The following ALKBH3 variants were observed in gnomAD, a reference collection of about 807,000 sequenced individuals.
The protein encoded by ALKBH3 is alkB homolog 3, alpha-ketoglutarate dependent dioxygenase.
In ALKBH3, 51 loss-of-function variants were observed where a neutral mutation model predicts 43.9. The ratio of observed to expected loss-of-function variants is 1.16; its 90% CI spans 0.93 to 1.47. The LOEUF (loss-of-function observed/expected upper bound fraction) is 1.47, where lower values mean the gene tolerates loss of function less well. Ranked by LOEUF, ALKBH3 falls within the 40% of genes most tolerant of loss-of-function variation. ALKBH3 has a pLI of 0.00. For missense variants in ALKBH3, 361 were observed against 351.9 expected, an observed-to-expected ratio of 1.03 and a Z score of -0.21; for synonymous variants, 102 against 115.2, an observed-to-expected ratio of 0.89 and a Z score of 0.73.
intron 7 of ALKBH3, among the ~76,000 whole-genome samples, chr11:43,895,206 T>A (rs1951810181): frequency 6.6e-6 from 1 of 152,178 alleles, no homozygotes; most frequent in Non-Finnish European, 1.5e-5. Flanking sequence ...GCGAAACATA[T>A]AACATGATAT....
intron 7 of ALKBH3, among the ~76,000 whole-genome samples, chr11:43,896,362 G>T (rs916039851): frequency 6.6e-5 from 10 of 151,814 alleles, no homozygotes; most frequent in Non-Finnish European, 1.2e-4. Context: ...CCCACAATAG[G>T]CTGTCTGCAA....
intron 8 of ALKBH3, among the ~76,000 whole-genome samples, chr11:43,916,410 A>G (rs1951983651): frequency 1.3e-5 from 2 of 152,204 alleles, no homozygotes; most frequent in Admixed American, 6.5e-5. Flanking sequence ...CGCTTTTTCC[A>G]TGTACTCGTA....
intron 8 of ALKBH3, among the ~76,000 whole-genome samples, chr11:43,907,444 G>A (rs186636577): frequency 1.6e-3 from 248 of 152,204 alleles, no homozygotes; most frequent in African/African-American, 5.9e-3. Flanking sequence ...AGTTTCAGTA[G>A]GACAAACTTG....
chr11:43,887,872 T>A (rs535088178), intron 5 of ALKBH3, among the ~76,000 whole-genome samples: 11 of 152,054 alleles, frequency 7.2e-5, no homozygotes, highest in Non-Finnish European at 1.3e-4. Flanking sequence ...CACTGCAAGC[T>A]CCGCCTCCAG....
intron 7 of ALKBH3, chr11:43,899,153 G>A (rs963354458): frequency 6.4e-6 from 5 of 783,374 alleles, no homozygotes; most frequent in African/African-American, 1.7e-5. Flanking sequence ...CACCCAAAAA[G>A]GACTCCCTAG....
intron 5 of ALKBH3, among the ~76,000 whole-genome samples, chr11:43,887,944 A>G (rs1034152172): frequency 6.7e-6 from 1 of 149,240 alleles, no homozygotes; most frequent in African/African-American, 2.5e-5. Flanking sequence ...ACGTGCCACC[A>G]TGCCCAGCTA....
intron 8 of ALKBH3, among the ~76,000 whole-genome samples, chr11:43,906,193 T>C (rs1373500350): frequency 1.3e-5 from 2 of 152,178 alleles, no homozygotes; most frequent in East Asian, 3.9e-4. Context: ...GAGATGATTG[T>C]AAAACCAAGT....
chr11:43,908,603 A>G (rs1951913411), intron 8 of ALKBH3, among the ~76,000 whole-genome samples: 1 of 152,034 alleles, frequency 6.6e-6, no homozygotes, highest in Non-Finnish European at 1.5e-5. Flanking sequence ...TGTTCATCAC[A>G]TGATCTCTTC....
chr11:43,901,729 A>G lies in ALKBH3; in HGVS notation c.669+4A>G. On this transcript the variant is annotated splice_donor_region_variant and intron_variant, in intron 8 of 9. Coordinates refer to ENST00000302708, the MANE Select transcript of ALKBH3 (RefSeq NM_139178.4). ...GATGAGAAAGAAGCCACCACCAGTG[A>G]GTATTCTCTTTTTCTTATGCTCTTC... 1 of 1,613,988 alleles carries G rather than the reference A, an allele frequency of 6.2e-7. No individual in the cohort carries two copies. Among genetic ancestry groups the G allele is most frequent in the Middle Eastern group, 1.7e-4 (1 of 6,058 alleles).
intron 7 of ALKBH3, among the ~76,000 whole-genome samples, chr11:43,900,516 C>T (rs1042161382): frequency 6.6e-6 from 1 of 152,122 alleles, no homozygotes; most frequent in African/African-American, 2.4e-5. Context: ...GCCATGTTGC[C>T]TGGCCTGTCC....
At position 43,916,825 on chromosome 11, in the gene ALKBH3, A is replaced by G. The variant is rs567235964; in HGVS notation, c.670-2213A>G. The stretch of plus-strand genomic sequence containing the variant: ...CTTGCTTCAGTTGAAGGGTGGCTCT[A>G]TGGTCTGTTGCCACTCTGGCCTCGA... On this transcript the variant is annotated intron_variant, in intron 8 of 9. Transcript: ENST00000302708. The G allele has an allele frequency of 1.3e-5, 2 of 152,178 alleles. 1 individual carries two copies. Among genetic ancestry groups the G allele is most frequent in the African/African-American group, 4.8e-5 (2 of 41,422 alleles). 9.4% of individuals were successfully genotyped at this position (152,178 alleles called of 1,614,324 possible). A position where few individuals can be genotyped will look rare whatever the true frequency, so the allele number is the denominator to read the frequency against.
intron 7 of ALKBH3, chr11:43,899,166 GC>G: frequency 3.8e-6 from 3 of 788,248 alleles, no homozygotes; most frequent in Non-Finnish European, 4.6e-6. Flanking sequence ...CTCCCTAGGG[GC>G]CCCACCTCTC....
chr11:43,883,083 A>T lies in ALKBH3; in HGVS notation c.80-2A>T. On this transcript the variant is annotated splice_acceptor_variant, in intron 2 of 9. Transcript: ENST00000302708. LOFTEE classifies it high-confidence loss of function. ...TTGAGGCTGTCCCCTCTCTTGCTTC[A>T]GCTACCACTGCTAAGAGCCATCTCC... The T allele has an allele frequency of 6.2e-7, 1 of 1,613,490 alleles. No homozygotes were observed. The highest frequency in any genetic ancestry group is 8.5e-7 in the Non-Finnish European group (1 of 1,179,534).
rs766048497 is a variant in ALKBH3, at chr11:43,892,048, T to C, written c.378T>C (p.Thr126=). The change falls in exon 7 of 10, where the codon ACT becomes ACC. Residue 126 remains threonine, a synonymous_variant. Transcript: ENST00000302708. ...KQRTGIREDI[T]YQQPRLTAWY... is the part of the protein sequence containing the mutation. ...CTGTATTTTCTTTCTTAGATATAACTTATCAGCAACCAAGACTTACAGCAT... is the reference window on the plus strand; with the variant it reads ...CTGTATTTTCTTTCTTAGATATAACCTATCAGCAACCAAGACTTACAGCAT... 122 of 1,612,374 alleles carry C rather than the reference T, an allele frequency of 7.6e-5. 1 individual carries two copies. Among genetic ancestry groups the C allele is most frequent in the Middle Eastern group, 5.0e-4 (3 of 6,060 alleles).
intron 8 of ALKBH3, among the ~76,000 whole-genome samples, chr11:43,902,546 T>G (rs576021725): frequency 6.6e-6 from 1 of 152,328 alleles, no homozygotes; most frequent in South Asian, 2.1e-4. Context: ...CAGCTTATAA[T>G]GTTAAACCAG....
intron 7 of ALKBH3, chr11:43,899,669 C>T (rs1565126234): frequency 2.5e-6 from 1 of 393,992 alleles, no homozygotes; most frequent in Admixed American, 4.1e-5. Flanking sequence ...CCTCTCACCT[C>T]TAGAGAGCAA....
intron 7 of ALKBH3, chr11:43,899,465 A>G (rs547397548): frequency 8.5e-6 from 6 of 703,816 alleles, no homozygotes; most frequent in African/African-American, 7.1e-5. Flanking sequence ...CAGAGGTTCC[A>G]TGACGAGCCT....
intron 8 of ALKBH3, among the ~76,000 whole-genome samples, chr11:43,905,694 T>G (rs2135196407): frequency 6.6e-6 from 1 of 152,332 alleles, no homozygotes; most frequent in East Asian, 1.9e-4. Context: ...GTCATAAAGC[T>G]TATCAAATAT....
At chr11:43,913,792 A>G (rs1331146102) in intron 8 of ALKBH3, among the ~76,000 whole-genome samples, 2 of 152,258 alleles carry the variant, frequency 1.3e-5, no homozygotes, top group African/African-American at 4.8e-5. Flanking sequence ...ACCTATCAGC[A>G]GCATAGCTGG....
Sources: allele counts gnomAD v4.1 joint callset (sites outside exome capture counted in the v4.1 genomes callset), GRCh38; gene constraint gnomAD v4.1.1; transcripts MANE v1.5; gene names NCBI Gene and HGNC (gene_info 2026-07-23, HGNC 2026-07-21).